STARD13: variants seen among roughly 807,000 people sequenced by gnomAD.
STARD13 encodes StAR related lipid transfer domain containing 13.
STARD13 carries 62 observed loss-of-function variants against 106.4 expected under a neutral mutation model. The observed-to-expected ratio is 0.58, with a 90% CI of 0.48 to 0.72. The LOEUF is 0.72. Among genes scored for constraint, STARD13 ranks in the 30% least tolerant of loss-of-function variants. The probability of loss-of-function intolerance (pLI) is 0.00; values close to 1 mark genes in which losing one functional copy is unlikely to be tolerated. For synonymous variants in STARD13, 565 were observed against 553.0 expected, an observed-to-expected ratio of 1.02 and a Z score of -0.31; for missense variants, 1,387 against 1,424.0, an observed-to-expected ratio of 0.97 and a Z score of 0.42.
At chr13:33,443,029 G>T in the STARD13 span, among the ~76,000 whole-genome samples, 1 of 152,092 alleles carries the variant, frequency 6.6e-6, no homozygotes, top group African/African-American at 2.4e-5. Flanking sequence ...TGGACAGTGG[G>T]GTTGGTTGCA....
At chr13:33,287,501 C>T (rs1255417480), upstream of STARD13, among the ~76,000 whole-genome samples, 1 of 152,172 alleles carries the variant, frequency 6.6e-6, no homozygotes, top group Non-Finnish European at 1.5e-5. Context: ...TGTGCACTTT[C>T]CATTCTTATT....
chr13:33,192,352 G>A (rs1472507551), intron 1 of STARD13, among the ~76,000 whole-genome samples: 2 of 152,156 alleles, frequency 1.3e-5, no homozygotes, highest in Admixed American at 1.3e-4. Context: ...TGAATTTGTG[G>A]AATTTGTGAG....
intron 1 of STARD13, among the ~76,000 whole-genome samples, chr13:33,264,325 C>A (rs371052585): frequency 2.0e-5 from 3 of 152,194 alleles, no homozygotes; most frequent in Non-Finnish European, 2.9e-5. Flanking sequence ...AAGTTTGGGA[C>A]AGTTTGTTAC....
At chr13:33,399,252 G>A in the STARD13 span, among the ~76,000 whole-genome samples, 1 of 152,116 alleles carries the variant, frequency 6.6e-6, no homozygotes, top group African/African-American at 2.4e-5. Context: ...GACACTGTGT[G>A]CTCTCACTTA....
chr13:33,267,289 C>A (rs559202582), intron 1 of STARD13, among the ~76,000 whole-genome samples: 71 of 152,280 alleles, frequency 4.7e-4, no homozygotes, highest in Non-Finnish European at 7.2e-4. Flanking sequence ...AGACAGCTAA[C>A]AAGAAATCCT....
intron 3 of STARD13, among the ~76,000 whole-genome samples, chr13:33,155,276 A>T (rs1041822393): frequency 7.9e-5 from 12 of 152,080 alleles, no homozygotes; most frequent in Non-Finnish European, 1.3e-4. Context: ...CCAGCTGCTC[A>T]AACCAGGAGG....
chr13:33,248,019 A>G (rs1193847226), intron 1 of STARD13, among the ~76,000 whole-genome samples: 1 of 152,238 alleles, frequency 6.6e-6, no homozygotes, highest in Non-Finnish European at 1.5e-5. Context: ...GAGGCTAAAA[A>G]TATTAATTTT....
chr13:33,616,934 AC>A, the STARD13 span, among the ~76,000 whole-genome samples: 1 of 152,192 alleles, frequency 6.6e-6, no homozygotes, highest in African/African-American at 2.4e-5. Context: ...AGTAAAATGG[AC>A]CAGGCAAGGG....
At chr13:33,471,410 T>TA in the STARD13 span, among the ~76,000 whole-genome samples, 1 of 152,222 alleles carries the variant, frequency 6.6e-6, no homozygotes, top group Non-Finnish European at 1.5e-5. Context: ...TCACAATGCT[T>TA]AATCCTCAGC....
chr13:33,452,394 G>A, the STARD13 span, among the ~76,000 whole-genome samples: 1 of 152,274 alleles, frequency 6.6e-6, no homozygotes, highest in East Asian at 1.9e-4. Context: ...GCAACACAGT[G>A]TTTTCCTCTG....
Position 33,228,111 on chromosome 13 carries a change from G to A in STARD13, c.169+57359C>T, listed in dbSNP as rs528887917. 1.3e-4 allele frequency among the ~76,000 whole-genome samples: 20 copies of A among 152,298 alleles called. No individual in the cohort carries two copies. In the East Asian group the frequency reaches 3.3e-3, roughly 25 times the overall value. Reference sequence around the variant, plus strand: ...TTTGCCAGGTGGGGAAGTGGTGGAAGGGAGGAGTTATTTCAGGCAAAGGCA... The same window carrying A: ...TTTGCCAGGTGGGGAAGTGGTGGAAAGGAGGAGTTATTTCAGGCAAAGGCA... On this transcript the variant is annotated intron_variant, in intron 1 of 13. Coordinates refer to ENST00000336934, the MANE Select transcript of STARD13 (RefSeq NM_178006.4).
the STARD13 span, among the ~76,000 whole-genome samples, chr13:33,648,393 T>A: frequency 6.6e-6 from 1 of 152,234 alleles, no homozygotes. Context: ...TTTCAGCCGA[T>A]CTGGGGTCAA....
chr13:33,618,911 G>T, the STARD13 span, among the ~76,000 whole-genome samples: 1 of 151,962 alleles, frequency 6.6e-6, no homozygotes, highest in Non-Finnish European at 1.5e-5. Context: ...TCTGAGGAGA[G>T]CTGGGACCAT....
chr13:33,104,895 C>G lies in STARD13; in HGVS notation c.*698G>C, dbSNP rs1020524818. ...ATTTGGTAATGACTTCTCACCCCCC[C>G]ATTTGCTTTAAGGAGGAGTAATTAT... On this transcript the variant is annotated 3_prime_UTR_variant, in exon 14 of 14. Coordinates refer to ENST00000336934, the MANE Select transcript of STARD13 (RefSeq NM_178006.4). 1 of 153,534 alleles carries G rather than the reference C, an allele frequency of 6.5e-6. No homozygotes were observed. The highest frequency in any genetic ancestry group is 2.4e-5 in the African/African-American group (1 of 41,458). The allele number at this position is 153,534 out of a possible 1,614,324, so 9.5% of individuals were successfully genotyped here.
the STARD13 span, among the ~76,000 whole-genome samples, chr13:33,410,521 G>A: frequency 2.6e-5 from 4 of 152,248 alleles, no homozygotes. Context: ...TAACAAAGAA[G>A]TACTTGTCAT....
chr13:33,662,972 A>C, the STARD13 span, among the ~76,000 whole-genome samples: 2 of 152,216 alleles, frequency 1.3e-5, no homozygotes, highest in Admixed American at 6.5e-5. Flanking sequence ...AATATATCAA[A>C]TTCAGTGTTG....
intron 3 of STARD13, among the ~76,000 whole-genome samples, chr13:33,151,834 T>C (rs1881318590): frequency 1.3e-5 from 2 of 152,054 alleles, no homozygotes; most frequent in Non-Finnish European, 1.5e-5. Context: ...GGCAGAGAGA[T>C]GCAAAAGGGG....
At chr13:33,409,716 G>C in the STARD13 span, among the ~76,000 whole-genome samples, 1 of 152,194 alleles carries the variant, frequency 6.6e-6, no homozygotes, top group East Asian at 1.9e-4. Flanking sequence ...GGCAGTGGAA[G>C]TTAGCCTAGT....
the STARD13 span, among the ~76,000 whole-genome samples, chr13:33,530,854 C>T: frequency 6.6e-6 from 1 of 152,168 alleles, no homozygotes; most frequent in Non-Finnish European, 1.5e-5. Context: ...CCCTCATTTA[C>T]TATTTGGCTA....
Sources: allele counts gnomAD v4.1 joint callset (sites outside exome capture counted in the v4.1 genomes callset), GRCh38; gene constraint gnomAD v4.1.1; transcripts MANE v1.5; gene names NCBI Gene and HGNC (gene_info 2026-07-23, HGNC 2026-07-21).